CTBP2: variants seen among roughly 807,000 people sequenced by gnomAD.
CTBP2 encodes C-terminal binding protein 2.
Under a neutral mutation model 80.3 loss-of-function variants are expected in CTBP2, and 30 were observed. The observed-to-expected ratio is 0.37, with a 90% CI of 0.28 to 0.51. The LOEUF is 0.51. CTBP2 is among the 20% of genes least tolerant of loss of function. CTBP2 has a pLI of 0.93. For missense variants in CTBP2, 1,212 were observed against 1,375.3 expected (o/e 0.88, Z 1.88); for synonymous variants, 594 against 587.4 (o/e 1.01, Z -0.16).
chr10:125,027,834 C>G lies in CTBP2; in HGVS notation c.-75G>C. On this transcript the variant is annotated 5_prime_UTR_variant, in exon 1 of 9. Coordinates refer to ENST00000309035, the MANE Select transcript of CTBP2 (RefSeq NM_022802.3). ...AATCTTCAATTACATACATCAAAAA[C>G]AGACCTGGCTGTGTGCTAACCCTTC... is the stretch of plus-strand genomic sequence containing the variant. The G allele has an allele frequency of 6.9e-7, 1 of 1,445,952 alleles. No homozygotes were observed. The highest frequency in any genetic ancestry group is 1.5e-5 in the South Asian group (1 of 68,550). 89.6% of individuals were successfully genotyped at this position (1,445,952 alleles called of 1,614,324 possible).
chr10:125,151,051 C>T (rs1859756836), intron 1 of CTBP2, among the ~76,000 whole-genome samples: 1 of 152,010 alleles, frequency 6.6e-6, no homozygotes, highest in South Asian at 2.1e-4. Context: ...CAACAACACA[C>T]AATGGCCCAG....
intron 2 of CTBP2, among the ~76,000 whole-genome samples, chr10:125,065,066 G>A (rs1844415920): frequency 6.6e-6 from 1 of 152,200 alleles, no homozygotes; most frequent in African/African-American, 2.4e-5. Flanking sequence ...ACTCTCACTT[G>A]ATGATGAAAT....
At chr10:125,013,659 C>T (rs530449528) in intron 1 of CTBP2, among the ~76,000 whole-genome samples, 2 of 152,308 alleles carry the variant, frequency 1.3e-5, no homozygotes, top group East Asian at 1.9e-4. Context: ...GTGCCGTAGG[C>T]GCTGCTGTTT....
rs1957584587 is a variant in CTBP2, at chr10:125,026,545, A to G, written c.1215T>C (p.Arg405=). 6.4e-7 allele frequency: 1 copy of G among 1,573,128 alleles called. No homozygotes were observed. The highest frequency in any genetic ancestry group is 8.6e-7 in the Non-Finnish European group (1 of 1,160,552). The change falls in exon 1 of 9, where the codon CGT becomes CGC. Residue 405 remains arginine (R), a synonymous_variant. Transcript: ENST00000309035. Reference sequence around the variant, plus strand: ...GGTGCTGAGATGGTGCGCTGGAGGGACGGCGAGCCGGGTCTCCAGCTCGGG... The same window carrying G: ...GGTGCTGAGATGGTGCGCTGGAGGGGCGGCGAGCCGGGTCTCCAGCTCGGG...
intron 1 of CTBP2, among the ~76,000 whole-genome samples, chr10:125,143,935 T>C (rs983454199): frequency 1.3e-5 from 2 of 152,138 alleles, no homozygotes; most frequent in Non-Finnish European, 2.9e-5. Context: ...CCAAAACACC[T>C]AGCCCTGGGC....
At chr10:124,994,067 CA>C in intron 5 of CTBP2, 82 bp from the exon 8 acceptor site, 3 of 1,566,490 alleles carry the variant, frequency 1.9e-6, no homozygotes, top group Non-Finnish European at 2.6e-6. Context: ...AAGAAAGCTG[CA>C]AGCTAGTTTT....
chr10:125,025,060 C>T (rs976005828), intron 1 of CTBP2, among the ~76,000 whole-genome samples: 1 of 152,144 alleles, frequency 6.6e-6, no homozygotes, highest in Non-Finnish European at 1.5e-5. Flanking sequence ...GGTCCAGCGC[C>T]TCGGTCCCCG....
chr10:125,107,750 G>A (rs1046735155), intron 2 of CTBP2, among the ~76,000 whole-genome samples: 2 of 152,118 alleles, frequency 1.3e-5, no homozygotes, highest in African/African-American at 4.8e-5. Context: ...CAGAGGCCCT[G>A]GTCGGCAGGC....
intron 1 of CTBP2, among the ~76,000 whole-genome samples, chr10:125,011,421 C>T (rs1037846861): frequency 6.6e-6 from 1 of 152,202 alleles, no homozygotes; most frequent in African/African-American, 2.4e-5. Context: ...CTCCAGGTAC[C>T]CCTGTCTTTA....
At chr10:125,040,271 A>G (rs1959267795) in intron 2 of CTBP2, among the ~76,000 whole-genome samples, 2 of 152,188 alleles carry the variant, frequency 1.3e-5, no homozygotes, top group East Asian at 1.9e-4. Flanking sequence ...CCTGGCCAAC[A>G]TGGTAAAATC....
chr10:125,003,292 A>G, intron 2 of CTBP2, 46 bp downstream of exon 4: 2 of 1,594,066 alleles, frequency 1.3e-6, no homozygotes, highest in Non-Finnish European at 1.7e-6. Context: ...TGGGGAGGAA[A>G]CTGCCCAAGG....
chr10:125,039,095 C>A, exon 3 of CTBP2: 1 of 1,591,010 alleles, frequency 6.3e-7, no homozygotes. Context: ...AAAGGCAAAG[C>A]AGTCCTCTAA....
At chr10:125,048,430 G>A (rs1033827324) in intron 2 of CTBP2, among the ~76,000 whole-genome samples, 18 of 152,240 alleles carry the variant, frequency 1.2e-4, no homozygotes, top group African/African-American at 3.9e-4. Context: ...GAAAGTTCCA[G>A]ATGTGAAAGA....
upstream of CTBP2, among the ~76,000 whole-genome samples, chr10:125,029,850 G>A (rs113088548): frequency 2.2e-4 from 34 of 152,292 alleles, no homozygotes; most frequent in African/African-American, 7.7e-4. Flanking sequence ...ACCCGGTAGC[G>A]CCTAAGAAAC....
chr10:125,081,683 T>A (rs1228025043), intron 2 of CTBP2, among the ~76,000 whole-genome samples: 3 of 151,600 alleles, frequency 2.0e-5, no homozygotes, highest in Non-Finnish European at 2.9e-5. Context: ...AAAAAAAAAA[T>A]AGACATGAAT....
At chr10:125,005,690 C>T in intron 1 of CTBP2, 1 of 1,612,926 alleles carries the variant, frequency 6.2e-7, no homozygotes, top group Non-Finnish European at 8.5e-7. Context: ...CTGTTTTCTG[C>T]TAAGAAAATG....
chr10:125,125,704 AGAGT>A (rs1855121233), intron 1 of CTBP2, among the ~76,000 whole-genome samples: 2 of 152,368 alleles, frequency 1.3e-5, no homozygotes, highest in East Asian at 3.9e-4. Context: ...CAGAGTGACC[AGAGT>A]GATGGGGACG....
intron 1 of CTBP2, 42 bp from the exon 2 acceptor site, chr10:125,111,135 ATT>A (rs111354041): frequency 0.094 from 13,969 of 148,502 alleles, 799 homozygotes; most frequent in African/African-American, 0.15. Flanking sequence ...TGAAGTAGAG[ATT>A]TTTTTTTTTT....
chr10:125,015,458 C>A (rs370401279), intron 1 of CTBP2, among the ~76,000 whole-genome samples: 1 of 152,242 alleles, frequency 6.6e-6, no homozygotes, highest in African/African-American at 2.4e-5. Flanking sequence ...CTTTGCTGTG[C>A]GGTCCCTGGT....
Sources: allele counts gnomAD v4.1 joint callset (sites outside exome capture counted in the v4.1 genomes callset), GRCh38; gene constraint gnomAD v4.1.1; transcripts MANE v1.5; gene names NCBI Gene and HGNC (gene_info 2026-07-23, HGNC 2026-07-21).